PPIL4: variants seen among roughly 807,000 people sequenced by gnomAD.
PPIL4 encodes the protein peptidyl-prolyl cis-trans isomerase-like 4.
Under a neutral mutation model 69.1 loss-of-function variants are expected in PPIL4, and 50 were observed. That is an observed-to-expected ratio of 0.72 (90% confidence interval 0.58 to 0.92). The LOEUF (loss-of-function observed/expected upper bound fraction) is 0.92. Among genes scored for constraint, PPIL4 ranks in the 40% least tolerant of loss-of-function variants. The probability of loss-of-function intolerance (pLI) is 0.00; values close to 1 mark genes in which losing one functional copy is unlikely to be tolerated. For synonymous variants in PPIL4, 193 were observed against 191.6 expected, an observed-to-expected ratio of 1.01 and a Z score of -0.06; for missense variants, 480 against 587.9, an observed-to-expected ratio of 0.82 and a Z score of 1.90.
intron 12 of PPIL4, among the ~76,000 whole-genome samples, chr6:149,508,443 C>T (rs551059660): frequency 1.3e-5 from 2 of 151,856 alleles, no homozygotes; most frequent in South Asian, 2.1e-4. Context: ...AAAGAAAAAA[C>T]GAAGAACACA....
chr6:149,511,227 T>TAA (rs754909559), intron 12 of PPIL4, among the ~76,000 whole-genome samples: 4 of 141,814 alleles, frequency 2.8e-5, no homozygotes, highest in African/African-American at 1.0e-4. Flanking sequence ...AGCTCTGATG[T>TAA]AAAAAAAAAA....
intron 7 of PPIL4, among the ~76,000 whole-genome samples, chr6:149,533,187 T>A (rs985586770): frequency 5.3e-5 from 8 of 152,202 alleles, no homozygotes; most frequent in Admixed American, 1.3e-4. Flanking sequence ...TCTTTAAGAA[T>A]GAGATGAATA....
chr6:149,513,202 A>G (rs1299249164), intron 11 of PPIL4, among the ~76,000 whole-genome samples: 5 of 147,378 alleles, frequency 3.4e-5, no homozygotes, highest in Non-Finnish European at 7.5e-5. Flanking sequence ...CCTGGCCAAT[A>G]TGGTGAAACC....
chr6:149,508,383 C>T (rs1776796571), intron 12 of PPIL4, among the ~76,000 whole-genome samples: 1 of 151,948 alleles, frequency 6.6e-6, no homozygotes, highest in East Asian at 1.9e-4. Context: ...ATTATTTATA[C>T]ATTTAAAACA....
At chr6:149,530,244 CT>C (rs1777175461) in intron 7 of PPIL4, among the ~76,000 whole-genome samples, 1 of 152,080 alleles carries the variant, frequency 6.6e-6, no homozygotes, top group African/African-American at 2.4e-5. Flanking sequence ...CTTAGAAACT[CT>C]CTGTACTTTA....
chr6:149,533,066 G>A (rs749442045), intron 7 of PPIL4, among the ~76,000 whole-genome samples: 2 of 152,168 alleles, frequency 1.3e-5, no homozygotes, highest in Non-Finnish European at 2.9e-5. Context: ...AGAGTGCTCA[G>A]TTTCCACCCA....
chr6:149,534,753 TA>T lies in PPIL4; in HGVS notation c.485del (p.Leu162Ter). 2 of 1,579,872 alleles carry T rather than the reference TA, an allele frequency of 1.3e-6. No homozygotes were observed. Among genetic ancestry groups the T allele is most frequent in the Admixed American group, 1.7e-5 (1 of 57,784 alleles). On this transcript the variant is annotated frameshift_variant, in exon 6 of 13. Coordinates refer to ENST00000253329, the MANE Select transcript of PPIL4 (RefSeq NM_139126.4). LOFTEE classifies it high-confidence loss of function. ...CAGGAGGGTCATCAAATGGATCATC[TA>T]AAATCACCGTATGATTTATCCTTAC... ...QDIRINHTVI[L>X]DDPFDDPPDL... is the part of the protein sequence containing the mutation.
chr6:149,526,610 C>T (rs761334780), intron 8 of PPIL4, 42 bp downstream of exon 8: 2 of 1,546,278 alleles, frequency 1.3e-6, no homozygotes, highest in East Asian at 2.3e-5. Flanking sequence ...CAACTGATAC[C>T]TAGTTTTTCT....
At chr6:149,514,135 T>C (rs952662134) in intron 11 of PPIL4, among the ~76,000 whole-genome samples, 1 of 152,240 alleles carries the variant, frequency 6.6e-6, no homozygotes, top group Admixed American at 6.5e-5. Flanking sequence ...TAGCTTCCCA[T>C]GAGATGGCTA....
chr6:149,529,670 G>A (rs9390687), intron 7 of PPIL4, among the ~76,000 whole-genome samples: 29,409 of 151,194 alleles, frequency 0.19, 4,343 homozygotes, highest in East Asian at 0.77. Context: ...GGCTGAGGCA[G>A]GAGAATCTCT....
Position 149,535,580 on chromosome 6 carries a change from CA to C in PPIL4, c.464+15del. ...AAAACATTCTAGTACATTCAGATAG[CA>C]AATTGTAACCATACCTGATATCCTG... On this transcript the variant is annotated intron_variant, in intron 5 of 12. Coordinates refer to ENST00000253329, the MANE Select transcript of PPIL4 (RefSeq NM_139126.4). The C allele has an allele frequency of 6.2e-7, 1 of 1,602,906 alleles. No individual in the cohort carries two copies. Among genetic ancestry groups the C allele is most frequent in the Non-Finnish European group, 8.5e-7 (1 of 1,173,356 alleles).
chr6:149,529,805 AAAAGGGAAAGGAG>A (rs1777166367), intron 7 of PPIL4, among the ~76,000 whole-genome samples: 1 of 151,630 alleles, frequency 6.6e-6, no homozygotes, highest in African/African-American at 2.4e-5. Context: ...AAGAAAAAGA[AAAAGGGAAAGGAG>A]AAAGGGAAAG....
intron 9 of PPIL4, among the ~76,000 whole-genome samples, chr6:149,521,852 C>A (rs185324606): frequency 6.6e-6 from 1 of 152,178 alleles, no homozygotes; most frequent in African/African-American, 2.4e-5. Flanking sequence ...CTGTGCTACA[C>A]AAGAATCCTT....
intron 12 of PPIL4, among the ~76,000 whole-genome samples, chr6:149,508,439 A>G (rs1347993945): frequency 6.6e-6 from 1 of 152,208 alleles, no homozygotes; most frequent in Non-Finnish European, 1.5e-5. Flanking sequence ...AAGAAAAGAA[A>G]AAACGAAGAA....
chr6:149,545,182 CAAAG>C (rs905894360), intron 1 of PPIL4, among the ~76,000 whole-genome samples: 2 of 152,162 alleles, frequency 1.3e-5, no homozygotes, highest in African/African-American at 2.4e-5. Flanking sequence ...AAATTCCAAA[CAAAG>C]AAAGTCCAAG....
intron 4 of PPIL4, among the ~76,000 whole-genome samples, chr6:149,538,922 C>T (rs751698928): frequency 2.6e-5 from 4 of 152,048 alleles, no homozygotes; most frequent in Non-Finnish European, 4.4e-5. Flanking sequence ...AGTCGGCTCA[C>T]CGCAACCTCC....
chr6:149,523,635 G>A (rs1379190118), intron 9 of PPIL4, among the ~76,000 whole-genome samples: 2 of 151,376 alleles, frequency 1.3e-5, no homozygotes, highest in South Asian at 4.2e-4. Flanking sequence ...AGGTTGCAGT[G>A]AGCTGAGATC....
chr6:149,545,643 TCA>T (rs754557012), intron 1 of PPIL4, among the ~76,000 whole-genome samples: 1 of 151,898 alleles, frequency 6.6e-6, no homozygotes, highest in African/African-American at 2.4e-5. Context: ...GCAGCTCGAA[TCA>T]CACACACACA....
chr6:149,532,966 T>C (rs1777222030), intron 7 of PPIL4, among the ~76,000 whole-genome samples: 1 of 152,116 alleles, frequency 6.6e-6, no homozygotes, highest in Non-Finnish European at 1.5e-5. Context: ...AAATGGAAAA[T>C]AATACCAAGT....
Sources: allele counts gnomAD v4.1 joint callset (sites outside exome capture counted in the v4.1 genomes callset), GRCh38; gene constraint gnomAD v4.1.1; transcripts MANE v1.5; gene names NCBI Gene and HGNC (gene_info 2026-07-23, HGNC 2026-07-21).